Variants in PAX5 observed in about 807,000 individuals in gnomAD.
PAX5 encodes the protein paired box 5, also known as paired box protein Pax-5.
In PAX5, 9 loss-of-function variants were observed where a neutral mutation model predicts 43.7. That is an observed-to-expected ratio of 0.21 (90% CI 0.12 to 0.36). PAX5 has a LOEUF of 0.36. PAX5 is among the 10% of genes least tolerant of loss of function. The probability of loss-of-function intolerance (pLI) is 1.00; values close to 1 mark genes in which losing one functional copy is unlikely to be tolerated. For missense variants in PAX5, 383 were observed against 532.7 expected, an observed-to-expected ratio of 0.72 and a Z score of 2.77; for synonymous variants, 228 against 214.3, an observed-to-expected ratio of 1.06 and a Z score of -0.56.
intron 2 of PAX5, 61 bp downstream of exon 2, chr9:37,020,575 T>A: frequency 6.6e-7 from 1 of 1,516,916 alleles, no homozygotes; most frequent in Non-Finnish European, 9.1e-7. Flanking sequence ...GGACAGCTGC[T>A]GGGTCATGTT....
At chr9:37,033,687 C>G (rs1278779854) in intron 1 of PAX5, among the ~76,000 whole-genome samples, 2 of 152,136 alleles carry the variant, frequency 1.3e-5, no homozygotes, top group East Asian at 1.9e-4. Context: ...AATACATATA[C>G]TGTAATGAAC....
intron 5 of PAX5, among the ~76,000 whole-genome samples, chr9:36,996,303 C>T (rs75839803): frequency 0.013 from 2,003 of 152,388 alleles, 48 homozygotes; most frequent in African/African-American, 0.045. Context: ...TCATTTTATT[C>T]TCACTGTAAC....
At chr9:36,865,160 C>T (rs749156634) in intron 8 of PAX5, among the ~76,000 whole-genome samples, 53 of 152,300 alleles carry the variant, frequency 3.5e-4, no homozygotes, top group Non-Finnish European at 6.9e-4. Flanking sequence ...TATTTGGAAA[C>T]ACAGGCCAGG....
chr9:37,006,084 T>C (rs1459341747), intron 4 of PAX5, among the ~76,000 whole-genome samples: 7 of 152,222 alleles, frequency 4.6e-5, no homozygotes, highest in African/African-American at 1.7e-4. Context: ...GAAGGGCTGG[T>C]TGATAGAAGA....
chr9:37,033,836 A>C, intron 1 of PAX5, 150 bp downstream of exon 1: 1 of 667,250 alleles, frequency 1.5e-6, no homozygotes, highest in South Asian at 1.7e-5. Context: ...GTGAACAGAT[A>C]GGTGAAAAAA....
At chr9:36,850,871 A>G (rs1342114382) in intron 8 of PAX5, among the ~76,000 whole-genome samples, 3 of 152,208 alleles carry the variant, frequency 2.0e-5, no homozygotes, top group African/African-American at 7.2e-5. Context: ...TTCCCCCAGG[A>G]GCAAGCAGTC....
intron 7 of PAX5, among the ~76,000 whole-genome samples, chr9:36,910,299 C>A (rs1327958318): frequency 2.0e-5 from 3 of 152,120 alleles, no homozygotes; most frequent in Non-Finnish European, 2.9e-5. Context: ...GCAAAGGCAG[C>A]ATGCTGTATA....
At chr9:36,914,138 T>G (rs1019725140) in intron 7 of PAX5, among the ~76,000 whole-genome samples, 3 of 152,214 alleles carry the variant, frequency 2.0e-5, no homozygotes, top group African/African-American at 7.2e-5. Flanking sequence ...CAGTGAAGAC[T>G]TTTTCTCCAT....
rs763156191 is a variant in PAX5 at position 37,011,514 on chromosome 9, C to T, written c.410+3483G>A. ...AAGAAGGAAGACCCCATTCAACCCA[C>T]CGTTTGGGTCAGCTTTGGGATGGCC... On this transcript the variant is annotated intron_variant, in intron 3 of 9. Coordinates refer to ENST00000358127, the MANE Select transcript of PAX5 (RefSeq NM_016734.3). Among the ~76,000 whole-genome samples the T allele has an allele frequency of 6.2e-4, 95 of 152,160 alleles. 1 individual carries two copies. Among genetic ancestry groups the T allele is most frequent in the Admixed American group, 5.2e-4 (8 of 15,280 alleles).
Position 36,938,785 on chromosome 9 carries a change from G to A in PAX5, c.781-15301C>T, listed in dbSNP as rs533977981. 5.9e-5 allele frequency among the ~76,000 whole-genome samples: 9 copies of A among 152,336 alleles called. No individual in the cohort carries two copies. In the South Asian group the frequency reaches 1.9e-3, roughly 32 times the overall value. On this transcript the variant is annotated intron_variant, in intron 6 of 9. Transcript: ENST00000358127. ...ATCGTACCATCCGACATGGTTGGGAGAGTTTAATCCAAAGCAGTGCTAATT... is the reference window on the plus strand; with the variant it reads ...ATCGTACCATCCGACATGGTTGGGAAAGTTTAATCCAAAGCAGTGCTAATT...
At chr9:37,011,280 G>A (rs746987903) in intron 3 of PAX5, among the ~76,000 whole-genome samples, 9 of 152,118 alleles carry the variant, frequency 5.9e-5, no homozygotes, top group Non-Finnish European at 1.3e-4. Flanking sequence ...CAGTATATTT[G>A]TTTTTATTTG....
intron 7 of PAX5, among the ~76,000 whole-genome samples, chr9:36,918,598 G>A (rs749029679): frequency 4.9e-4 from 75 of 152,138 alleles, no homozygotes; most frequent in Non-Finnish European, 1.0e-3. Flanking sequence ...AGGAGGTCAA[G>A]ACCAGTGAGC....
chr9:36,974,260 T>A (rs1263861626), intron 5 of PAX5, among the ~76,000 whole-genome samples: 3 of 152,172 alleles, frequency 2.0e-5, no homozygotes, highest in Admixed American at 2.0e-4. Flanking sequence ...AAACTCCTTG[T>A]GCGAGACTGA....
chr9:37,004,465 G>A (rs1233514012), intron 4 of PAX5, among the ~76,000 whole-genome samples: 1 of 152,220 alleles, frequency 6.6e-6, no homozygotes, highest in East Asian at 1.9e-4. Context: ...CACTAGAAAT[G>A]GTGGTGACTG....
intron 5 of PAX5, among the ~76,000 whole-genome samples, chr9:36,980,285 A>C (rs1835801075): frequency 6.6e-6 from 1 of 152,236 alleles, no homozygotes; most frequent in Admixed American, 6.5e-5. Context: ...TAAGCTTTGC[A>C]TCTGCTCAGA....
At position 37,015,297 on chromosome 9, in the gene PAX5, C is replaced by T. The variant is rs1027762326; in HGVS notation, c.213-103G>A. On this transcript the variant is annotated intron_variant, in intron 2 of 9. Coordinates refer to ENST00000358127, the MANE Select transcript of PAX5 (RefSeq NM_016734.3). This position sits in a 1 kb window ranked among gnomAD's most constrained non-coding sequence, Gnocchi z 4.4. ...TGGCCAGGAAACGTCCGGATCTGCACGTTCCAATACAGTAGCCACCAGCCA... is the reference window on the plus strand; with the variant it reads ...TGGCCAGGAAACGTCCGGATCTGCATGTTCCAATACAGTAGCCACCAGCCA... The T allele has an allele frequency of 4.3e-5, 40 of 939,716 alleles. No individual in the cohort carries two copies. In the Admixed American group the frequency reaches 4.7e-4, roughly 11 times the overall value. 58.2% of individuals were successfully genotyped at this position (939,716 alleles called of 1,614,324 possible). A position where few individuals can be genotyped will look rare whatever the true frequency, so the allele number is the denominator to read the frequency against.
chr9:36,977,492 C>T (rs1007804633), intron 5 of PAX5, among the ~76,000 whole-genome samples: 3 of 151,932 alleles, frequency 2.0e-5, no homozygotes, highest in African/African-American at 4.8e-5. Flanking sequence ...CCCTGTAGCC[C>T]GAGTCTTTTT....
At position 36,958,225 on chromosome 9, in the gene PAX5, G is replaced by A. The variant is rs1286864085; in HGVS notation, c.780+8324C>T. On this transcript the variant is annotated intron_variant, in intron 6 of 9. Transcript: ENST00000358127. ...GCAGGGCCTCTAAATGTGCTGTTGAGGACCGTGACCATTGCCTCACTGGTC... is the reference window on the plus strand; with the variant it reads ...GCAGGGCCTCTAAATGTGCTGTTGAAGACCGTGACCATTGCCTCACTGGTC... 2.6e-5 allele frequency among the ~76,000 whole-genome samples: 4 copies of A among 152,006 alleles called. No homozygotes were observed. In the East Asian group the frequency reaches 5.8e-4, roughly 22 times the overall value.
intron 3 of PAX5, among the ~76,000 whole-genome samples, chr9:37,008,437 A>T (rs73438976): frequency 0.04 from 6,136 of 152,308 alleles, 422 homozygotes; most frequent in African/African-American, 0.14. Context: ...TTAATATCTG[A>T]AAGTTTATTC....
Sources: allele counts gnomAD v4.1 joint callset (sites outside exome capture counted in the v4.1 genomes callset), GRCh38; gene constraint gnomAD v4.1.1; non-coding constraint Gnocchi (gnomAD v3.1); transcripts MANE v1.5; gene names NCBI Gene and HGNC (gene_info 2026-07-23, HGNC 2026-07-21).